COL4A4: variants seen among roughly 807,000 people sequenced by gnomAD.
COL4A4 encodes the protein collagen type IV alpha 4 chain.
A neutral mutation model predicts 192.9 loss-of-function variants in COL4A4; 105 were observed. That is an observed-to-expected ratio of 0.54 (90% CI 0.46 to 0.64). The LOEUF (loss-of-function observed/expected upper bound fraction) is 0.64. COL4A4 is among the 30% of genes least tolerant of loss of function. The pLI is 0.00. For synonymous variants in COL4A4, 762 were observed against 769.9 expected (o/e 0.99, Z 0.17); for missense variants, 1,967 against 2,169.3 (o/e 0.91, Z 1.85).
chr2:227,101,851 T>C lies in COL4A4; in HGVS notation c.975+14A>G. On this transcript the variant is annotated intron_variant, in intron 16 of 47. Transcript: ENST00000396625. ...TGAAATGTATTTATTATCTCTATAA[T>C]GAGGTACATTTACCTTTAATCCTGG... is the stretch of plus-strand genomic sequence containing the variant. The C allele has an allele frequency of 6.4e-7, 1 of 1,555,290 alleles. No individual in the cohort carries two copies. Among genetic ancestry groups the C allele is most frequent in the Non-Finnish European group, 8.8e-7 (1 of 1,134,942 alleles).
At chr2:227,150,451 G>A (rs948520051) in intron 1 of COL4A4, among the ~76,000 whole-genome samples, 2 of 152,066 alleles carry the variant, frequency 1.3e-5, no homozygotes, top group South Asian at 2.1e-4. Context: ...CTCCAGCTTA[G>A]CTACCTTTGG....
At chr2:226,974,073 G>A in the COL4A4 span, among the ~76,000 whole-genome samples, 1 of 152,056 alleles carries the variant, frequency 6.6e-6, no homozygotes, top group Non-Finnish European at 1.5e-5. Flanking sequence ...GCCGGCGTTT[G>A]TCTCACCTGC....
intron 1 of COL4A4, among the ~76,000 whole-genome samples, chr2:227,156,807 T>C (rs2064391299): frequency 6.6e-6 from 1 of 152,178 alleles, no homozygotes; most frequent in East Asian, 1.9e-4. Flanking sequence ...TATTAATATA[T>C]GTGCTTAACA....
intron 1 of COL4A4, among the ~76,000 whole-genome samples, chr2:227,150,306 T>C (rs1323203840): frequency 1.3e-5 from 2 of 152,062 alleles, no homozygotes; most frequent in African/African-American, 4.8e-5. Flanking sequence ...TTACCATGAT[T>C]TAGTAAGGAA....
At chr2:227,099,580 T>C (rs1176672756) in intron 18 of COL4A4, 40 bp downstream of exon 18, 1 of 1,593,656 alleles carries the variant, frequency 6.3e-7, no homozygotes, top group Non-Finnish European at 8.6e-7. Context: ...CAACTCCTAT[T>C]TCTGCATAAT....
At chr2:227,052,721 T>TC (rs1553639900) in intron 31 of COL4A4, among the ~76,000 whole-genome samples, 1 of 52,948 alleles carries the variant, frequency 1.9e-5, no homozygotes, top group Non-Finnish European at 2.9e-5. Context: ...AGTTCCAGTC[T>TC]AAAAAAATGT....
At chr2:227,074,215 T>G (rs1013051812) in intron 25 of COL4A4, among the ~76,000 whole-genome samples, 2 of 151,308 alleles carry the variant, frequency 1.3e-5, no homozygotes, top group Non-Finnish European at 3.0e-5. Flanking sequence ...AAAAAACAAA[T>G]AATCCCATTA....
intron 22 of COL4A4, among the ~76,000 whole-genome samples, chr2:227,086,984 A>G (rs2059636736): frequency 6.6e-6 from 1 of 152,172 alleles, no homozygotes; most frequent in Non-Finnish European, 1.5e-5. Flanking sequence ...TCGGGTTGGA[A>G]CCTTATTTTC....
chr2:227,003,649 A>C lies in COL4A4; in HGVS notation c.*3676T>G, dbSNP rs1961479255. On this transcript the variant is annotated 3_prime_UTR_variant, in exon 48 of 48. Transcript: ENST00000396625. ...AAGCCCAATTGTAGTGCACCATTCCATTGACTATTTTTCGGAGCACCAATA... is the reference window on the plus strand; with the variant it reads ...AAGCCCAATTGTAGTGCACCATTCCCTTGACTATTTTTCGGAGCACCAATA... 1 of 152,198 alleles carries C rather than the reference A, an allele frequency of 6.6e-6. No individual in the cohort carries two copies. Among genetic ancestry groups the C allele is most frequent in the Non-Finnish European group, 1.5e-5 (1 of 68,042 alleles). The allele number at this position is 152,198 out of a possible 1,614,324, so 9.4% of individuals were successfully genotyped here.
At chr2:227,062,088 A>T (rs531368494) in intron 26 of COL4A4, among the ~76,000 whole-genome samples, 6 of 152,174 alleles carry the variant, frequency 3.9e-5, no homozygotes, top group African/African-American at 1.2e-4. Context: ...AAACACAAAA[A>T]TTAGCCGGGC....
intron 37 of COL4A4, among the ~76,000 whole-genome samples, chr2:227,035,675 A>G (rs945702871): frequency 3.3e-5 from 5 of 152,182 alleles, no homozygotes; most frequent in African/African-American, 1.2e-4. Flanking sequence ...AAAAGAACAC[A>G]CAGACCTTCT....
intron 45 of COL4A4, 63 bp downstream of exon 45, chr2:227,012,118 A>G (rs1430875382): frequency 1.5e-6 from 2 of 1,337,604 alleles, no homozygotes; most frequent in Non-Finnish European, 2.2e-6. Context: ...GAGAGATCAG[A>G]GATTTTGTAT....
intron 12 of COL4A4, among the ~76,000 whole-genome samples, chr2:227,105,060 T>C (rs2060758573): frequency 6.6e-6 from 1 of 152,008 alleles, no homozygotes; most frequent in South Asian, 2.1e-4. Context: ...ATCAGAATAC[T>C]ATAATAAATA....
At chr2:227,064,933 C>T (rs1016946492) in intron 25 of COL4A4, among the ~76,000 whole-genome samples, 4 of 152,182 alleles carry the variant, frequency 2.6e-5, no homozygotes, top group Non-Finnish European at 4.4e-5. Context: ...CCAGCGCGCG[C>T]GACGCAGAAG....
At chr2:227,149,004 A>T (rs1183912508) in intron 1 of COL4A4, among the ~76,000 whole-genome samples, 1 of 151,328 alleles carries the variant, frequency 6.6e-6, no homozygotes, top group South Asian at 2.1e-4. Flanking sequence ...CTAATTTTTT[A>T]TTTATTTATT....
rs374169696 is a variant in COL4A4, at chr2:227,123,380, T to C, written c.193-2232A>G. On this transcript the variant is annotated intron_variant, in intron 4 of 47. Transcript: ENST00000396625. This position sits in a 1 kb window ranked among gnomAD's most constrained non-coding sequence, Gnocchi z 4.6. ...ACAGGAAAGCCCTCACAGCCTGACT[T>C]CATCAGGGTGCTCCAGGAGCAACAC... Among the ~76,000 whole-genome samples the C allele has an allele frequency of 1.4e-3, 213 of 152,284 alleles. No individual in the cohort carries two copies. Among genetic ancestry groups the C allele is most frequent in the Admixed American group, 3.3e-3 (50 of 15,302 alleles).
chr2:227,137,769 T>C (rs1484401358), intron 4 of COL4A4, among the ~76,000 whole-genome samples: 1 of 152,184 alleles, frequency 6.6e-6, no homozygotes, highest in Non-Finnish European at 1.5e-5. Context: ...GCTCATCTCT[T>C]TCTTGCCACA....
the COL4A4 span, among the ~76,000 whole-genome samples, chr2:226,977,007 C>T: frequency 1.3e-5 from 2 of 152,216 alleles, no homozygotes; most frequent in Admixed American, 6.5e-5. Flanking sequence ...ACTCGGGTTC[C>T]TGGTTTACCC....
chr2:227,142,618 G>A (rs965674116), intron 3 of COL4A4, among the ~76,000 whole-genome samples: 3 of 152,124 alleles, frequency 2.0e-5, no homozygotes, highest in African/African-American at 2.4e-5. Context: ...TTAGCCAGAT[G>A]TGATGGCACA....
Sources: gnomAD v4.1 joint callset for allele counts (sites outside exome capture counted in the v4.1 genomes callset) on GRCh38, gnomAD v4.1.1 for gene constraint, Gnocchi (gnomAD v3.1) non-coding constraint, MANE v1.5 for transcripts, NCBI Gene and HGNC (gene_info 2026-07-23, HGNC 2026-07-21) for gene names.